Variants in BCAR3 observed in about 807,000 individuals in gnomAD.
The protein encoded by BCAR3 is breast cancer anti-estrogen resistance protein 3.
BCAR3 carries 37 observed loss-of-function variants against 80.1 expected under a neutral mutation model. The ratio of observed to expected loss-of-function variants is 0.46; its 90% CI spans 0.36 to 0.61. The LOEUF (loss-of-function observed/expected upper bound fraction) is 0.61. Among genes scored for constraint, BCAR3 ranks in the 20% least tolerant of loss-of-function variants. The probability of loss-of-function intolerance (pLI) is 0.00; values close to 1 mark genes in which losing one functional copy is unlikely to be tolerated. For synonymous variants in BCAR3, 389 were observed against 418.9 expected (o/e 0.93, Z 0.87); for missense variants, 978 against 1,068.2 (o/e 0.92, Z 1.18).
intron 2 of BCAR3, among the ~76,000 whole-genome samples, chr1:93,828,796 G>C (rs1244163593): frequency 6.6e-6 from 1 of 152,114 alleles, no homozygotes; most frequent in African/African-American, 2.4e-5. Context: ...CTGGGTTCAA[G>C]CAATCCGTGT....
At chr1:93,763,780 G>A (rs955655530) in intron 2 of BCAR3, among the ~76,000 whole-genome samples, 1 of 152,110 alleles carries the variant, frequency 6.6e-6, no homozygotes, top group African/African-American at 2.4e-5. Flanking sequence ...GAACATAAAG[G>A]CCTGACTTGC....
chr1:93,635,139 G>A (rs1484244020), intron 3 of BCAR3, among the ~76,000 whole-genome samples: 2 of 152,048 alleles, frequency 1.3e-5, no homozygotes, highest in Non-Finnish European at 2.9e-5. Flanking sequence ...AGGATCACCC[G>A]AGACCAGAAG....
chr1:93,638,791 G>A (rs986651362), intron 3 of BCAR3, among the ~76,000 whole-genome samples: 1 of 152,118 alleles, frequency 6.6e-6, no homozygotes, highest in Non-Finnish European at 1.5e-5. Flanking sequence ...CACAGAAAAG[G>A]ACCTCATGAT....
rs766688115 is a variant in BCAR3 at position 93,589,159 on chromosome 1, G to A, written c.747C>T (p.Ile249=). ...GCACCGTCCTGTTGATGGGCTGGAA[G>A]ATGATGGCGCCACTCTGCTGGGAGA... is the stretch of plus-strand genomic sequence containing the variant. ...RPISQQSGAI[I]FQPINRTVPL... The change falls in exon 5 of 12, where the codon ATC becomes ATT. Residue 249 remains isoleucine, a synonymous_variant. Coordinates refer to ENST00000260502, the MANE Select transcript of BCAR3 (RefSeq NM_003567.4). The A allele has an allele frequency of 3.5e-5, 57 of 1,613,796 alleles. 1 individual carries two copies. In the South Asian group the frequency reaches 5.9e-4, roughly 17 times the overall value.
At chr1:93,720,369 T>C (rs1201795643) in intron 2 of BCAR3, 2 of 152,226 alleles carry the variant, frequency 1.3e-5, no homozygotes, top group African/African-American at 4.8e-5. Flanking sequence ...GATCCTGGAC[T>C]CTGGAGGCTG....
chr1:93,580,126 T>G (rs1481787758), intron 7 of BCAR3, among the ~76,000 whole-genome samples: 1 of 152,252 alleles, frequency 6.6e-6, no homozygotes, highest in African/African-American at 2.4e-5. Context: ...GAGTCATCCC[T>G]CAAGTTCTGT....
At chr1:93,776,075 T>C (rs574297907) in intron 2 of BCAR3, among the ~76,000 whole-genome samples, 2 of 152,180 alleles carry the variant, frequency 1.3e-5, no homozygotes, top group South Asian at 2.1e-4. Context: ...GTGAATAAGT[T>C]TGAAAAGAGA....
upstream of BCAR3, chr1:93,847,553 G>A (rs1002243747): frequency 2.6e-5 from 4 of 152,488 alleles, no homozygotes; most frequent in African/African-American, 9.7e-5. Flanking sequence ...CATAGCAGAT[G>A]CGCTGAGACT....
chr1:93,767,984 A>AGCCTCTT (rs58568545), intron 2 of BCAR3, among the ~76,000 whole-genome samples: 44,787 of 151,790 alleles, frequency 0.3, 9,068 homozygotes, highest in African/African-American at 0.58. Flanking sequence ...AAGAGTTCTG[A>AGCCTCTT]GGTTTGTGCT....
At chr1:93,847,366 C>T (rs1655252828), upstream of BCAR3, 1 of 154,754 alleles carries the variant, frequency 6.5e-6, no homozygotes. Context: ...ACTGCGGCCG[C>T]CCTTGGCTCA....
intron 3 of BCAR3, among the ~76,000 whole-genome samples, chr1:93,687,383 C>G (rs1388818734): frequency 6.6e-6 from 1 of 152,224 alleles, no homozygotes; most frequent in East Asian, 1.9e-4. Context: ...TCTCAGCTAA[C>G]TGCAAACTCC....
In BCAR3 at chr1:93,592,188, T is replaced by A; in HGVS notation, c.486+77A>T. ...TGCTTCCGCCCATGTGGCCTCGGAG[T>A]GGGACCCTGCGGGTCATCAATCTGT... On this transcript the variant is annotated intron_variant, in intron 4 of 11. Coordinates refer to ENST00000260502, the MANE Select transcript of BCAR3 (RefSeq NM_003567.4). This position sits in a 1 kb window ranked among gnomAD's most constrained non-coding sequence, Gnocchi z 4.8. 1 of 1,588,836 alleles carries A rather than the reference T, an allele frequency of 6.3e-7. No individual in the cohort carries two copies. Among genetic ancestry groups the A allele is most frequent in the Non-Finnish European group, 8.6e-7 (1 of 1,168,926 alleles).
intron 8 of BCAR3, among the ~76,000 whole-genome samples, chr1:93,574,297 A>AATT (rs1673354190): frequency 6.6e-6 from 1 of 152,208 alleles, no homozygotes; most frequent in South Asian, 2.1e-4. Context: ...TGAGGTGGTA[A>AATT]ATTAAAAATA....
intron 2 of BCAR3, among the ~76,000 whole-genome samples, chr1:93,666,692 C>T (rs933694735): frequency 6.6e-6 from 1 of 152,204 alleles, no homozygotes; most frequent in Non-Finnish European, 1.5e-5. Context: ...CAGGCAAAGG[C>T]TCGGGGCCCG....
intron 2 of BCAR3, among the ~76,000 whole-genome samples, chr1:93,738,627 T>TGGGCA (rs989099750): frequency 1.3e-5 from 2 of 152,096 alleles, no homozygotes; most frequent in African/African-American, 4.8e-5. Flanking sequence ...ATCAGAGGGC[T>TGGGCA]GGGCAGGGCA....
intron 3 of BCAR3, among the ~76,000 whole-genome samples, chr1:93,704,803 C>T (rs1425456346): frequency 6.6e-6 from 1 of 152,168 alleles, no homozygotes; most frequent in Non-Finnish European, 1.5e-5. Flanking sequence ...ACTAGGAGAG[C>T]AGCAATTCTT....
Position 93,582,596 on chromosome 1 carries a change from T to C in BCAR3, c.1391A>G (p.Glu464Gly), listed in dbSNP as rs12062278. ...HTELLTAKQNEAPGPRNSGVN... is the reference protein window; with the variant it reads ...HTELLTAKQNGAPGPRNSGVN... ...GCCAGAGTTCCGGGGACCTGGCGCCTCATTCTGCTTGGCTGTGAGCAGTTC... is the reference window on the plus strand; with the variant it reads ...GCCAGAGTTCCGGGGACCTGGCGCCCCATTCTGCTTGGCTGTGAGCAGTTC... Residue 464 changes from glutamate (E) to glycine (G), a missense_variant, in exon 7 of 12, where the codon GAG (glutamate) becomes GGG (glycine). Transcript: ENST00000260502. 15,304 of 1,613,590 alleles carry C rather than the reference T, an allele frequency of 9.5e-3. 1,188 individuals are homozygous for C. The African/African-American group carries it at 0.17, about 18-fold the overall frequency.
In BCAR3 at chr1:93,562,156, ATTAC is replaced by A. The variant is rs975067689; in HGVS notation, c.*81_*84del. 30 of 1,414,082 alleles carry A rather than the reference ATTAC, an allele frequency of 2.1e-5. No homozygotes were observed. The African/African-American group carries it at 4.0e-4, about 19-fold the overall frequency. 87.6% of individuals were successfully genotyped at this position (1,414,082 alleles called of 1,614,324 possible). A position where few individuals can be genotyped will look rare whatever the true frequency, so the allele number is the denominator to read the frequency against. ...TTGTATATTGTCAGATTTGCACATT[ATTAC>A]TTTATCAAAAACAGTAAGCTTTCCC... On this transcript the variant is annotated 3_prime_UTR_variant, in exon 12 of 12. Coordinates refer to ENST00000260502, the MANE Select transcript of BCAR3 (RefSeq NM_003567.4).
At chr1:93,777,435 CTCCTCT>C (rs1400372582) in intron 2 of BCAR3, among the ~76,000 whole-genome samples, 6 of 147,332 alleles carry the variant, frequency 4.1e-5, no homozygotes, top group East Asian at 2.0e-4. Flanking sequence ...CTTCCTCCTC[CTCCTCT>C]TCCTCCTCCT....
Sources: allele counts gnomAD v4.1 joint callset (sites outside exome capture counted in the v4.1 genomes callset), GRCh38; gene constraint gnomAD v4.1.1; non-coding constraint Gnocchi (gnomAD v3.1); transcripts MANE v1.5; gene names NCBI Gene and HGNC (gene_info 2026-07-23, HGNC 2026-07-21).